RGPD2: variants seen among roughly 807,000 people sequenced by gnomAD.
RGPD2 encodes RANBP2-like and GRIP domain-containing protein 2.
In RGPD2, 2 loss-of-function variants were observed where a neutral mutation model predicts 36.0. That is an observed-to-expected ratio of 0.06 (90% CI 0.02 to 0.17). RGPD2 has a LOEUF of 0.17. Ranked by LOEUF, RGPD2 falls within the 10% of genes least tolerant of loss-of-function variation. The pLI is 1.00. For synonymous variants in RGPD2, 19 were observed against 163.8 expected (o/e 0.12, Z 6.75); for missense variants, 40 against 464.3 (o/e 0.09, Z 8.40).
chr2:87,839,903 G>GAAAAA, the RGPD2 span, among the ~76,000 whole-genome samples: 1 of 144,124 alleles, frequency 6.9e-6, no homozygotes, highest in African/African-American at 2.5e-5. Flanking sequence ...ATGTTGGAAA[G>GAAAAA]AAAAAAAAAA....
At chr2:87,988,541 A>ATAT in the RGPD2 span, among the ~76,000 whole-genome samples, 226 of 54,150 alleles carry the variant, frequency 4.2e-3, 7 homozygotes, top group African/African-American at 9.5e-3. Flanking sequence ...ATATATATAT[A>ATAT]TTTTTTTTTT....
the RGPD2 span, among the ~76,000 whole-genome samples, chr2:87,973,693 TAAAAA>T: frequency 4.7e-5 from 5 of 105,450 alleles, no homozygotes; most frequent in Admixed American, 4.2e-4. Context: ...GTGAACCAGC[TAAAAA>T]AAAAAAAAAA....
At chr2:87,988,104 C>T in the RGPD2 span, among the ~76,000 whole-genome samples, 1 of 151,770 alleles carries the variant, frequency 6.6e-6, no homozygotes, top group South Asian at 2.1e-4. Flanking sequence ...CCTGCTTTGG[C>T]AGTTAGATTG....
chr2:87,907,479 AATAGG>A, the RGPD2 span, among the ~76,000 whole-genome samples: 1 of 4,042 alleles, frequency 2.5e-4, no homozygotes, highest in Non-Finnish European at 4.7e-4. Flanking sequence ...GTGGGTATGA[AATAGG>A]AAACAAGCAG....
the RGPD2 span, among the ~76,000 whole-genome samples, chr2:87,937,558 G>A: frequency 1.3e-5 from 2 of 151,598 alleles, no homozygotes; most frequent in African/African-American, 4.8e-5. Flanking sequence ...GAGAGAGATG[G>A]GGGAGGTCTC....
the RGPD2 span, among the ~76,000 whole-genome samples, chr2:87,914,066 T>A: frequency 6.6e-6 from 1 of 151,902 alleles, no homozygotes; most frequent in African/African-American, 2.4e-5. Context: ...GTCATAATAT[T>A]TCTAAATTGG....
the RGPD2 span, among the ~76,000 whole-genome samples, chr2:87,881,272 C>A: frequency 6.6e-6 from 1 of 152,148 alleles, no homozygotes; most frequent in African/African-American, 2.4e-5. Flanking sequence ...ACTCTGGGGG[C>A]CTGGAGGATG....
chr2:87,940,642 G>A, the RGPD2 span, among the ~76,000 whole-genome samples: 1 of 143,916 alleles, frequency 6.9e-6, no homozygotes, highest in African/African-American at 2.7e-5. Context: ...TTGTGTGTGT[G>A]TGTGTGTGTG....
the RGPD2 span, among the ~76,000 whole-genome samples, chr2:87,893,444 C>T: frequency 6.8e-6 from 1 of 147,644 alleles, no homozygotes; most frequent in Non-Finnish European, 1.5e-5. Flanking sequence ...GAAATTGTAG[C>T]TGACAATGAC....
At chr2:87,952,307 T>C in the RGPD2 span, among the ~76,000 whole-genome samples, 1 of 152,146 alleles carries the variant, frequency 6.6e-6, no homozygotes, top group Non-Finnish European at 1.5e-5. Context: ...GCATTCTGCT[T>C]AAGGGGTGTC....
At chr2:87,844,508 A>G in the RGPD2 span, among the ~76,000 whole-genome samples, 2 of 148,412 alleles carry the variant, frequency 1.3e-5, no homozygotes, top group East Asian at 4.0e-4. Context: ...TATTTCAGTG[A>G]TGATTCATGA....
chr2:87,961,819 T>G, the RGPD2 span, among the ~76,000 whole-genome samples: 1 of 151,462 alleles, frequency 6.6e-6, no homozygotes, highest in Non-Finnish European at 1.5e-5. Flanking sequence ...TCTGTCGGCT[T>G]ATAAGTGGAC....
chr2:87,951,727 GAT>G, the RGPD2 span, among the ~76,000 whole-genome samples: 1 of 146,546 alleles, frequency 6.8e-6, no homozygotes, highest in Non-Finnish European at 1.5e-5. Context: ...TGGGATTACA[GAT>G]GTGTGCCACC....
the RGPD2 span, among the ~76,000 whole-genome samples, chr2:87,957,693 G>T: frequency 1.3e-5 from 2 of 152,206 alleles, no homozygotes; most frequent in African/African-American, 4.8e-5. Flanking sequence ...ATTTTGGGGG[G>T]GAGTCACAAC....
At chr2:87,876,325 GTTAAC>G in the RGPD2 span, among the ~76,000 whole-genome samples, 1 of 151,792 alleles carries the variant, frequency 6.6e-6, no homozygotes, top group Non-Finnish European at 1.5e-5. Context: ...ATGTTAGGTT[GTTAAC>G]TTGAGTTCTT....
chr2:87,857,182 A>C, the RGPD2 span, among the ~76,000 whole-genome samples: 1 of 152,266 alleles, frequency 6.6e-6, no homozygotes, highest in African/African-American at 2.4e-5. Context: ...TATGAAAGAC[A>C]AATAAAAATT....
chr2:87,948,511 A>G, the RGPD2 span, among the ~76,000 whole-genome samples: 2 of 147,772 alleles, frequency 1.4e-5, no homozygotes, highest in Admixed American at 1.3e-4. Flanking sequence ...CCTCCCCGGT[A>G]GCTGGGATTT....
the RGPD2 span, among the ~76,000 whole-genome samples, chr2:87,929,037 G>A: frequency 6.6e-6 from 1 of 151,958 alleles, no homozygotes; most frequent in African/African-American, 2.4e-5. Context: ...TGGCTGTGGA[G>A]AAGCTCTTAA....
At chr2:87,835,269 TAATACAATCAGA>T in the RGPD2 span, among the ~76,000 whole-genome samples, 2 of 151,738 alleles carry the variant, frequency 1.3e-5, no homozygotes, top group African/African-American at 4.8e-5. Flanking sequence ...AAGAATTTTA[TAATACAATCAGA>T]AATATCAACA....
Sources: allele counts gnomAD v4.1 joint callset (sites outside exome capture counted in the v4.1 genomes callset), GRCh38; gene constraint gnomAD v4.1.1; transcripts MANE v1.5; gene names NCBI Gene and HGNC (gene_info 2026-07-23, HGNC 2026-07-21).